The following DGKH variants were observed in gnomAD, a reference collection of about 807,000 sequenced individuals.
The protein encoded by DGKH is diacylglycerol kinase eta.
In DGKH, 90 loss-of-function variants were observed where a neutral mutation model predicts 159.3. That is an observed-to-expected ratio of 0.57 (90% CI 0.48 to 0.67). DGKH has a LOEUF of 0.67. Ranked by LOEUF, DGKH falls within the 30% of genes least tolerant of loss-of-function variation. DGKH has a pLI of 0.00. For synonymous variants in DGKH, 536 were observed against 553.8 expected, an observed-to-expected ratio of 0.97 and a Z score of 0.45; for missense variants, 1,181 against 1,506.1, an observed-to-expected ratio of 0.78 and a Z score of 3.57.
In DGKH at chr13:42,232,767, A is replaced by G. The variant is rs930879082; in HGVS notation, c.*3579A>G. The stretch of plus-strand genomic sequence containing the variant: ...TATATATTGTTCTTGCTGACAAGAA[A>G]TGACCCATGAATGTCTAGATCTATC... On this transcript the variant is annotated 3_prime_UTR_variant, in exon 30 of 30. Coordinates refer to ENST00000337343, the MANE Select transcript of DGKH (RefSeq NM_178009.5). 1.3e-5 allele frequency: 2 copies of G among 152,214 alleles called. No individual in the cohort carries two copies. The highest frequency in any genetic ancestry group is 2.4e-5 in the African/African-American group (1 of 41,458). 9.4% of individuals were successfully genotyped at this position (152,214 alleles called of 1,614,324 possible).
intron 1 of DGKH, among the ~76,000 whole-genome samples, chr13:42,087,746 AT>A (rs56389215): frequency 0.021 from 2,986 of 142,344 alleles, 64 homozygotes; most frequent in Admixed American, 0.079. Context: ...TGCACTGCTC[AT>A]TTTTTTTTTT....
intron 20 of DGKH, among the ~76,000 whole-genome samples, chr13:42,204,449 C>T (rs1957415772): frequency 6.6e-6 from 1 of 152,192 alleles, no homozygotes; most frequent in Non-Finnish European, 1.5e-5. Context: ...GTGAAACATT[C>T]CCGTGAAGGT....
chr13:42,101,480 A>T (rs1954650853), intron 1 of DGKH, among the ~76,000 whole-genome samples: 2 of 152,372 alleles, frequency 1.3e-5, no homozygotes. Flanking sequence ...TACCAGTCAC[A>T]GTTCAATGGT....
chr13:42,199,478 A>C, intron 18 of DGKH, 88 bp from the exon 19 acceptor site: 1 of 885,398 alleles, frequency 1.1e-6, no homozygotes, highest in Non-Finnish European at 1.7e-6. Flanking sequence ...GAAAGCTTAA[A>C]TGGTTTTAAG....
chr13:42,220,148 A>T (rs1957928475), intron 28 of DGKH, among the ~76,000 whole-genome samples: 11 of 152,216 alleles, frequency 7.2e-5, no homozygotes. Flanking sequence ...AGCAAGTCAA[A>T]GCATCAGTGT....
intron 3 of DGKH, among the ~76,000 whole-genome samples, chr13:42,138,357 G>A: frequency 7.7e-6 from 1 of 129,680 alleles, no homozygotes; most frequent in East Asian, 2.0e-4. Context: ...TGCACAGTGT[G>A]TGCATGTGAG....
intron 5 of DGKH, among the ~76,000 whole-genome samples, chr13:42,156,696 A>G (rs979359404): frequency 6.6e-6 from 1 of 152,166 alleles, no homozygotes; most frequent in Admixed American, 6.5e-5. Context: ...TTTTTCTCTA[A>G]TCCAAAAATT....
intron 1 of DGKH, among the ~76,000 whole-genome samples, chr13:42,090,770 A>G (rs752816841): frequency 2.0e-5 from 3 of 152,146 alleles, no homozygotes; most frequent in African/African-American, 7.2e-5. Context: ...TTGAAACTAA[A>G]TTGCCAGTGT....
At position 42,118,116 on chromosome 13, in the gene DGKH, C is replaced by T. The variant is rs547247795; in HGVS notation, c.193-9347C>T. Among the ~76,000 whole-genome samples, 100 of 152,180 alleles carry T rather than the reference C, an allele frequency of 6.6e-4. 3 individuals are homozygous for T. In the South Asian group the frequency reaches 0.02, roughly 31 times the overall value. ...CCTGTAGTCCCAGCTACTCGGGAGG[C>T]TGAGGCAGGAGAATGGCATGAACCC... On this transcript the variant is annotated intron_variant, in intron 1 of 29. Coordinates refer to ENST00000337343, the MANE Select transcript of DGKH (RefSeq NM_178009.5).
At chr13:42,191,761 A>G (rs1013715709) in intron 16 of DGKH, among the ~76,000 whole-genome samples, 2 of 152,220 alleles carry the variant, frequency 1.3e-5, no homozygotes, top group African/African-American at 2.4e-5. Context: ...AATTTATTCC[A>G]GCTTTCATAT....
At chr13:42,064,552 G>A (rs1011512784) in intron 1 of DGKH, among the ~76,000 whole-genome samples, 1 of 152,128 alleles carries the variant, frequency 6.6e-6, no homozygotes, top group Admixed American at 6.5e-5. Flanking sequence ...GTGAGGGCTC[G>A]AGTCAGGTCC....
At chr13:42,127,704 G>A in intron 2 of DGKH, 131 bp downstream of exon 2, 1 of 672,474 alleles carries the variant, frequency 1.5e-6, no homozygotes, top group Non-Finnish European at 2.6e-6. Context: ...ATATAAATGT[G>A]ATCTATCGGT....
intron 3 of DGKH, among the ~76,000 whole-genome samples, chr13:42,151,555 ATATGTAGTTTCACTTATATG>A: frequency 9.1e-6 from 1 of 109,740 alleles, no homozygotes; most frequent in South Asian, 4.4e-4. Flanking sequence ...ACACGTGTAT[ATATGTAGTTTCACTTATATG>A]TATACACACA....
chr13:42,041,091 GCGCGCCGC>G (rs1880471527), intron 1 of DGKH, among the ~76,000 whole-genome samples: 3 of 152,028 alleles, frequency 2.0e-5, no homozygotes, highest in African/African-American at 7.2e-5. Context: ...GCTCCTCCTC[GCGCGCCGC>G]CTGGAGCGCC....
intron 27 of DGKH, 32 bp from the exon 28 acceptor site, chr13:42,219,654 G>GA: frequency 6.3e-7 from 1 of 1,589,408 alleles, no homozygotes; most frequent in Non-Finnish European, 8.6e-7. Context: ...TTCATATCCT[G>GA]AAAAAATTAT....
chr13:42,215,742 C>A, intron 26 of DGKH, 75 bp downstream of exon 26: 1 of 1,327,098 alleles, frequency 7.5e-7, no homozygotes, highest in Non-Finnish European at 1.1e-6. Context: ...GGGGAACAGG[C>A]ATTTGGCAGA....
Position 42,234,958 on chromosome 13 carries a change from TTCTTA to T in DGKH, c.*5777_*5781del, listed in dbSNP as rs1337887272. 2.6e-5 allele frequency: 4 copies of T among 152,266 alleles called. No individual in the cohort carries two copies. Among genetic ancestry groups the T allele is most frequent in the Admixed American group, 6.5e-5 (1 of 15,282 alleles). 9.4% of individuals were successfully genotyped at this position (152,266 alleles called of 1,614,324 possible). ...TTATAATACACAAAGCATTAATTTT[TTCTTA>T]TCTTATTTTCTCTTTATTATTTCTT... On this transcript the variant is annotated 3_prime_UTR_variant, in exon 30 of 30. Coordinates refer to ENST00000337343, the MANE Select transcript of DGKH (RefSeq NM_178009.5).
chr13:42,212,981 A>C (rs1248911788), intron 24 of DGKH, among the ~76,000 whole-genome samples: 1 of 152,184 alleles, frequency 6.6e-6, no homozygotes, highest in East Asian at 1.9e-4. Context: ...AATGCATGCT[A>C]CTTTCAGGAA....
rs9566936 is a variant in DGKH at position 42,193,081 on chromosome 13, C to A, written c.2036-1804C>A. Among the ~76,000 whole-genome samples, 227 of 152,246 alleles carry A rather than the reference C, an allele frequency of 1.5e-3. 5 individuals carry two copies. In the East Asian group the frequency reaches 0.031, roughly 21 times the overall value. On this transcript the variant is annotated intron_variant, in intron 16 of 29. Coordinates refer to ENST00000337343, the MANE Select transcript of DGKH (RefSeq NM_178009.5). ...CTCTTTGGAAGCTTGATTCTATCAT[C>A]TTAAGTTTATTTCATCTGTGAATTT...
Sources: gnomAD v4.1 joint callset for allele counts (sites outside exome capture counted in the v4.1 genomes callset) on GRCh38, gnomAD v4.1.1 for gene constraint, MANE v1.5 for transcripts, NCBI Gene and HGNC (gene_info 2026-07-23, HGNC 2026-07-21) for gene names.